Variants in ATRNL1 observed in about 807,000 individuals in gnomAD.
ATRNL1 encodes attractin-like protein 1.
In ATRNL1, 95 loss-of-function variants were observed where a neutral mutation model predicts 182.7. That is an observed-to-expected ratio of 0.52 (90% CI 0.44 to 0.62). The LOEUF is 0.62. Ranked by LOEUF, ATRNL1 falls within the 20% of genes least tolerant of loss-of-function variation. The pLI is 0.00. For synonymous variants in ATRNL1, 576 were observed against 568.3 expected, an observed-to-expected ratio of 1.01 and a Z score of -0.19; for missense variants, 1,471 against 1,679.5, an observed-to-expected ratio of 0.88 and a Z score of 2.17.
rs546862749 is a variant in ATRNL1 at position 115,474,996 on chromosome 10, G to A, written c.3654+5667G>A. Among the ~76,000 whole-genome samples, 6 of 151,330 alleles carry A rather than the reference G, an allele frequency of 4.0e-5. No individual in the cohort carries two copies. In the East Asian group the frequency reaches 7.8e-4, roughly 20 times the overall value. ...TGTGCACAGATGCTTGCAAGCCATT[G>A]TCTAATAGAAAAACAACACCACCAA... On this transcript the variant is annotated intron_variant, in intron 24 of 28. Coordinates refer to ENST00000355044, the MANE Select transcript of ATRNL1 (RefSeq NM_207303.4).
At chr10:115,291,494 A>G (rs1852901047) in intron 15 of ATRNL1, among the ~76,000 whole-genome samples, 1 of 152,160 alleles carries the variant, frequency 6.6e-6, no homozygotes, top group Admixed American at 6.5e-5. Flanking sequence ...CTTCCTAAAT[A>G]AAGGTATTTA....
At chr10:115,430,099 T>A (rs1014976851) in intron 21 of ATRNL1, among the ~76,000 whole-genome samples, 1 of 152,064 alleles carries the variant, frequency 6.6e-6, no homozygotes, top group Non-Finnish European at 1.5e-5. Flanking sequence ...AGTTTTCCAT[T>A]CTATATATCT....
chr10:115,330,672 C>CTTTTTTT (rs200104323), intron 18 of ATRNL1, among the ~76,000 whole-genome samples: 4 of 101,376 alleles, frequency 3.9e-5, no homozygotes, highest in Admixed American at 1.1e-4. Flanking sequence ...GTGTTATTTG[C>CTTTTTTT]TTTTTTTTTT....
At chr10:115,552,339 C>T (rs1476689406) in intron 26 of ATRNL1, among the ~76,000 whole-genome samples, 1 of 151,222 alleles carries the variant, frequency 6.6e-6, no homozygotes, top group Admixed American at 6.6e-5. Flanking sequence ...ACTATTATTT[C>T]TTTATGTGAA....
At chr10:115,593,168 C>G in intron 26 of ATRNL1, among the ~76,000 whole-genome samples, 1 of 152,158 alleles carries the variant, frequency 6.6e-6, no homozygotes, top group Non-Finnish European at 1.5e-5. Context: ...GGCTGAACTT[C>G]CTTTTATAAT....
intron 18 of ATRNL1, among the ~76,000 whole-genome samples, chr10:115,327,322 A>G (rs541660286): frequency 0.024 from 3,574 of 151,314 alleles, 47 homozygotes; most frequent in Non-Finnish European, 0.035. Context: ...GCAGCCAAAA[A>G]ACACATGAAA....
intron 9 of ATRNL1, among the ~76,000 whole-genome samples, chr10:115,221,084 A>G (rs1849445455): frequency 6.6e-6 from 1 of 152,240 alleles, no homozygotes; most frequent in African/African-American, 2.4e-5. Context: ...TAACATGTGC[A>G]GTTTACAATA....
chr10:115,344,623 C>A (rs1855897017), intron 19 of ATRNL1, among the ~76,000 whole-genome samples: 1 of 152,302 alleles, frequency 6.6e-6, no homozygotes, highest in South Asian at 2.1e-4. Context: ...GTGCTCCATC[C>A]ACCTGTGACT....
intron 17 of ATRNL1, among the ~76,000 whole-genome samples, chr10:115,308,837 A>G (rs1484745368): frequency 1.3e-5 from 2 of 152,122 alleles, no homozygotes; most frequent in African/African-American, 2.4e-5. Context: ...GCTTATGCCA[A>G]TGTCCAGAAG....
intron 26 of ATRNL1, among the ~76,000 whole-genome samples, chr10:115,601,093 A>G (rs967633837): frequency 6.6e-6 from 1 of 152,014 alleles, no homozygotes; most frequent in African/African-American, 2.4e-5. Flanking sequence ...TCATTTCAAA[A>G]TAAGTTATAT....
chr10:115,676,244 G>A (rs1045484716), intron 26 of ATRNL1, among the ~76,000 whole-genome samples: 1 of 152,024 alleles, frequency 6.6e-6, no homozygotes, highest in African/African-American at 2.4e-5. Context: ...AAGTTTCTCA[G>A]TAATCATGGC....
intron 27 of ATRNL1, among the ~76,000 whole-genome samples, chr10:115,748,341 A>G (rs562920302): frequency 6.8e-6 from 1 of 147,248 alleles, no homozygotes; most frequent in South Asian, 2.1e-4. Flanking sequence ...GTTACTGATC[A>G]GCTGCATCTT....
rs545612100 is a variant in ATRNL1 at position 115,340,474 on chromosome 10, TTC to T, written c.3175+6057_3175+6058del. ...TTCTTTTTTTTTCTTTTCTTTTCTT[TTC>T]TTTTTTTTTTTTTTTGGTGTGTGTG... On this transcript the variant is annotated intron_variant, in intron 19 of 28. Transcript: ENST00000355044. 1.7e-3 allele frequency among the ~76,000 whole-genome samples: 229 copies of T among 131,148 alleles called. 5 individuals carry two copies. Among genetic ancestry groups the T allele is most frequent in the Middle Eastern group, 3.8e-3 (1 of 264 alleles). 86.0% of individuals were successfully genotyped at this position (131,148 alleles called of 152,430 possible).
At chr10:115,780,905 A>C (rs1949249818) in intron 27 of ATRNL1, among the ~76,000 whole-genome samples, 1 of 152,186 alleles carries the variant, frequency 6.6e-6, no homozygotes, top group African/African-American at 2.4e-5. Context: ...TGGCGGCTAC[A>C]GTGAGAGACT....
At chr10:115,682,129 T>C (rs1338501081) in intron 26 of ATRNL1, among the ~76,000 whole-genome samples, 1 of 152,166 alleles carries the variant, frequency 6.6e-6, no homozygotes, top group Non-Finnish European at 1.5e-5. Flanking sequence ...TCTCTTTGAT[T>C]AGCAGGATAG....
At chr10:115,882,935 G>A (rs1157351533) in intron 28 of ATRNL1, among the ~76,000 whole-genome samples, 5 of 152,210 alleles carry the variant, frequency 3.3e-5, no homozygotes, top group Non-Finnish European at 5.9e-5. Context: ...AGCTCCGGCT[G>A]TTTGAACTTT....
At chr10:115,240,048 G>T (rs1850351854) in intron 9 of ATRNL1, among the ~76,000 whole-genome samples, 1 of 151,930 alleles carries the variant, frequency 6.6e-6, no homozygotes, top group East Asian at 1.9e-4. Flanking sequence ...GGCGTGAGGG[G>T]GTTGGGGTAA....
intron 21 of ATRNL1, among the ~76,000 whole-genome samples, chr10:115,432,211 T>G (rs1248186317): frequency 6.6e-6 from 1 of 152,194 alleles, no homozygotes; most frequent in African/African-American, 2.4e-5. Flanking sequence ...CTTACTTTTT[T>G]TGTACTAGTG....
At chr10:115,405,319 A>G (rs1565006096) in intron 20 of ATRNL1, among the ~76,000 whole-genome samples, 1 of 152,204 alleles carries the variant, frequency 6.6e-6, no homozygotes, top group Non-Finnish European at 1.5e-5. Context: ...CTCATGTCAA[A>G]TGCATGTGTG....
Sources: allele counts gnomAD v4.1 joint callset (sites outside exome capture counted in the v4.1 genomes callset), GRCh38; gene constraint gnomAD v4.1.1; transcripts MANE v1.5; gene names NCBI Gene and HGNC (gene_info 2026-07-23, HGNC 2026-07-21).